FGF2: variants seen among roughly 807,000 people sequenced by gnomAD.
FGF2 encodes the protein basic fibroblast growth factor bFGF.
Under a neutral mutation model 15.9 loss-of-function variants are expected in FGF2, and 13 were observed. The observed-to-expected ratio is 0.82, with a 90% CI of 0.53 to 1.30. FGF2 has a LOEUF of 1.30. FGF2 is among the 50% of genes most tolerant of loss of function. FGF2 has a pLI of 0.00. For synonymous variants in FGF2, 90 were observed against 78.4 expected, an observed-to-expected ratio of 1.15 and a Z score of -0.78; for missense variants, 163 against 196.9, an observed-to-expected ratio of 0.83 and a Z score of 1.03.
At chr4:122,892,137 C>G in intron 2 of FGF2, 74 bp from the exon 3 acceptor site, 2 of 1,276,054 alleles carry the variant, frequency 1.6e-6, no homozygotes, top group Non-Finnish European at 2.2e-6. Flanking sequence ...ATTATACTAT[C>G]ATAAATATTT....
At chr4:122,887,393 C>A (rs1361274090) in intron 2 of FGF2, among the ~76,000 whole-genome samples, 1 of 152,154 alleles carries the variant, frequency 6.6e-6, no homozygotes, top group Non-Finnish European at 1.5e-5. Flanking sequence ...CCATCAATAA[C>A]AAATGAATAT....
chr4:122,849,652 A>G (rs1311307387), intron 1 of FGF2, among the ~76,000 whole-genome samples: 1 of 152,204 alleles, frequency 6.6e-6, no homozygotes, highest in Non-Finnish European at 1.5e-5. Flanking sequence ...CTTGGCTAGC[A>G]CAGTGTGGGT....
At position 122,892,335 on chromosome 4, in the gene FGF2, G is replaced by A. The variant is rs755800634; in HGVS notation, c.407G>A (p.Gly136Glu). The change falls in exon 3 of 3, where the codon GGA becomes GAA. Residue 136 changes from glycine (G) to glutamate (E), a missense_variant. Gly to Glu is a moderately conservative substitution (Grantham distance 98, BLOSUM62 -2). Coordinates refer to ENST00000644866, the MANE Select transcript of FGF2 (RefSeq NM_001361665.2). ...ALKRTGQYKL[G>E]SKTGPGQKAI... ...AAACGAACTGGGCAGTATAAACTTG[G>A]ATCCAAAACAGGACCTGGGCAGAAA... The A allele has an allele frequency of 6.2e-7, 1 of 1,614,096 alleles. No homozygotes were observed. Among genetic ancestry groups the A allele is most frequent in the Non-Finnish European group, 8.5e-7 (1 of 1,179,992 alleles).
At chr4:122,844,244 C>G (rs1338570010) in intron 1 of FGF2, among the ~76,000 whole-genome samples, 1 of 152,176 alleles carries the variant, frequency 6.6e-6, no homozygotes, top group East Asian at 1.9e-4. Flanking sequence ...TTGTTCTTCC[C>G]TAAGAAGCAG....
At chr4:122,847,603 CTCTATCTATCTATCTA>C (rs34233719) in intron 1 of FGF2, among the ~76,000 whole-genome samples, 6 of 141,920 alleles carry the variant, frequency 4.2e-5, no homozygotes, top group Non-Finnish European at 9.0e-5. Flanking sequence ...TAGGAGATCA[CTCTATCTATCTATCTA>C]TCTATCTATC....
Position 122,867,347 on chromosome 4 carries a change from CA to C in FGF2, c.179-8972del, listed in dbSNP as rs558606911. On this transcript the variant is annotated intron_variant, in intron 1 of 2. Coordinates refer to ENST00000644866, the MANE Select transcript of FGF2 (RefSeq NM_001361665.2). Reference sequence around the variant, plus strand: ...AAACAAACAAAGGAACCATGGGTACCAACAGTTCAGAATAAGTGCCTTCGAT... The same window carrying C: ...AAACAAACAAAGGAACCATGGGTACCACAGTTCAGAATAAGTGCCTTCGAT... Among the ~76,000 whole-genome samples the C allele has an allele frequency of 2.6e-5, 4 of 152,186 alleles. No individual in the cohort carries two copies. In the South Asian group the frequency reaches 8.3e-4, roughly 32 times the overall value.
At chr4:122,838,458 G>A (rs879669280) in intron 1 of FGF2, among the ~76,000 whole-genome samples, 4 of 152,136 alleles carry the variant, frequency 2.6e-5, no homozygotes, top group Non-Finnish European at 4.4e-5. Context: ...AGCAGGTGTT[G>A]TTATCTTCAT....
intron 1 of FGF2, among the ~76,000 whole-genome samples, chr4:122,842,658 C>G (rs1430250921): frequency 1.3e-5 from 2 of 152,118 alleles, no homozygotes; most frequent in African/African-American, 4.8e-5. Context: ...GGAGAAACTT[C>G]TCTGTGGTAA....
At chr4:122,868,826 G>A (rs1726661738) in intron 1 of FGF2, among the ~76,000 whole-genome samples, 1 of 152,122 alleles carries the variant, frequency 6.6e-6, no homozygotes, top group Non-Finnish European at 1.5e-5. Context: ...GGTGTGAGAT[G>A]GTATCTCATT....
At chr4:122,875,515 T>A (rs1726826252) in intron 1 of FGF2, among the ~76,000 whole-genome samples, 1 of 150,008 alleles carries the variant, frequency 6.7e-6, no homozygotes, top group African/African-American at 2.4e-5. Context: ...TGTGTAGAAG[T>A]CAAAGAAATA....
At chr4:122,830,816 C>CAAAAAAAAAA (rs35597051) in intron 1 of FGF2, among the ~76,000 whole-genome samples, 3 of 92,812 alleles carry the variant, frequency 3.2e-5, no homozygotes, top group East Asian at 3.6e-4. Context: ...CTCTTATTTA[C>CAAAAAAAAAA]AAAAAAAAAA....
chr4:122,859,672 AC>A (rs1726422967), intron 1 of FGF2, among the ~76,000 whole-genome samples: 1 of 147,322 alleles, frequency 6.8e-6, no homozygotes, highest in Non-Finnish European at 1.5e-5. Flanking sequence ...ACACACACAC[AC>A]ACAAAAGATC....
intron 1 of FGF2, among the ~76,000 whole-genome samples, chr4:122,844,586 T>TCTTTCTTC (rs1419377686): frequency 3.1e-4 from 41 of 133,780 alleles, no homozygotes; most frequent in African/African-American, 1.2e-3. Flanking sequence ...TTTCTTTCTT[T>TCTTTCTTC]CTTCCTTCCT....
chr4:122,872,981 TAACCAAATAGCAGCATGACGACAG>T (rs1726771458), intron 1 of FGF2, among the ~76,000 whole-genome samples: 1 of 152,204 alleles, frequency 6.6e-6, no homozygotes, highest in African/African-American at 2.4e-5. Flanking sequence ...GTGTGCAAAA[TAACCAAATAGCAGCATGACGACAG>T]AATCAAATTC....
At chr4:122,872,080 T>C (rs1477524963) in intron 1 of FGF2, among the ~76,000 whole-genome samples, 1 of 152,094 alleles carries the variant, frequency 6.6e-6, no homozygotes, top group Non-Finnish European at 1.5e-5. Context: ...TACGCTGAGC[T>C]AAAAGGAGCA....
intron 1 of FGF2, among the ~76,000 whole-genome samples, chr4:122,852,076 T>C (rs1247357797): frequency 6.6e-6 from 1 of 152,198 alleles, no homozygotes; most frequent in Non-Finnish European, 1.5e-5. Flanking sequence ...ATCTTATCTG[T>C]CCTCCACTGC....
At chr4:122,885,231 T>C (rs535660785) in intron 2 of FGF2, among the ~76,000 whole-genome samples, 3 of 152,366 alleles carry the variant, frequency 2.0e-5, no homozygotes, top group Non-Finnish European at 4.4e-5. Flanking sequence ...TATATTTTTA[T>C]TGTAAGCTAT....
Position 122,896,203 on chromosome 4 carries a change from A to G in FGF2, c.*3807A>G, listed in dbSNP as rs996762680. On this transcript the variant is annotated 3_prime_UTR_variant, in exon 3 of 3. Transcript: ENST00000644866. ...GCACTTTTTTTTTTTTTAAAGAAAAAAAGGTAGTGAATTTTTAATCATCTG... is the reference window on the plus strand; with the variant it reads ...GCACTTTTTTTTTTTTTAAAGAAAAGAAGGTAGTGAATTTTTAATCATCTG... 1 of 152,498 alleles carries G rather than the reference A, an allele frequency of 6.6e-6. No individual in the cohort carries two copies. Among genetic ancestry groups the G allele is most frequent in the Non-Finnish European group, 1.5e-5 (1 of 68,012 alleles). The allele number at this position is 152,498 out of a possible 1,614,324, so 9.4% of individuals were successfully genotyped here.
At chr4:122,849,095 C>T (rs1726174035) in intron 1 of FGF2, among the ~76,000 whole-genome samples, 1 of 152,186 alleles carries the variant, frequency 6.6e-6, no homozygotes, top group African/African-American at 2.4e-5. Context: ...GAAGCTAAAA[C>T]ACCATATCAG....
Sources: gnomAD v4.1 joint callset for allele counts (sites outside exome capture counted in the v4.1 genomes callset) on GRCh38, gnomAD v4.1.1 for gene constraint, MANE v1.5 for transcripts, NCBI Gene and HGNC (gene_info 2026-07-23, HGNC 2026-07-21) for gene names.